Variants in ASCC1 observed in about 807,000 individuals in gnomAD.
The protein encoded by ASCC1 is ASC-1 complex subunit P50.
Under a neutral mutation model 46.6 loss-of-function variants are expected in ASCC1, and 35 were observed. That is an observed-to-expected ratio of 0.75 (90% CI 0.57 to 0.99). ASCC1 has a LOEUF of 0.99. ASCC1 is among the 50% of genes least tolerant of loss of function. ASCC1 has a pLI of 0.00. For missense variants in ASCC1, 376 were observed against 428.7 expected, an observed-to-expected ratio of 0.88 and a Z score of 1.09; for synonymous variants, 143 against 146.6, an observed-to-expected ratio of 0.98 and a Z score of 0.18.
At chr10:72,189,878 C>T in intron 5 of ASCC1, 1 of 532,680 alleles carries the variant, frequency 1.9e-6, no homozygotes, top group Non-Finnish European at 3.4e-6. Flanking sequence ...TTATTTCTGT[C>T]TTCACTATAA....
intron 7 of ASCC1, among the ~76,000 whole-genome samples, chr10:72,150,893 G>C (rs535042806): frequency 5.6e-4 from 86 of 152,290 alleles, no homozygotes; most frequent in African/African-American, 1.9e-3. Context: ...AAACCACAAT[G>C]AGATACCATC....
intron 9 of ASCC1, among the ~76,000 whole-genome samples, chr10:72,121,138 A>G (rs996472111): frequency 1.3e-5 from 2 of 152,080 alleles, no homozygotes; most frequent in Non-Finnish European, 2.9e-5. Flanking sequence ...TAAGAGACCG[A>G]CTTTTTATTT....
chr10:72,104,573 A>C (rs996130856), intron 9 of ASCC1, among the ~76,000 whole-genome samples: 11 of 152,186 alleles, frequency 7.2e-5, no homozygotes, highest in Non-Finnish European at 1.3e-4. Flanking sequence ...TTAAATTAAA[A>C]AAGAATCTAG....
intron 7 of ASCC1, among the ~76,000 whole-genome samples, chr10:72,151,686 T>C (rs1848351295): frequency 6.6e-6 from 1 of 151,984 alleles, no homozygotes; most frequent in African/African-American, 2.4e-5. Flanking sequence ...AGTAATTTAA[T>C]CTTTTTAAAT....
intron 6 of ASCC1, among the ~76,000 whole-genome samples, chr10:72,153,459 G>GCT (rs112490631): frequency 0.13 from 19,532 of 152,006 alleles, 3,940 homozygotes; most frequent in African/African-American, 0.43. Context: ...ACGGAGTTTT[G>GCT]CTGTTGCCCA....
At chr10:72,170,518 C>T (rs1172827387) in intron 5 of ASCC1, among the ~76,000 whole-genome samples, 1 of 151,434 alleles carries the variant, frequency 6.6e-6, no homozygotes, top group Non-Finnish European at 1.5e-5. Flanking sequence ...ATCACTTGAG[C>T]CCAGGAGTTC....
chr10:72,102,374 A>G, intron 9 of ASCC1: 1 of 1,550,392 alleles, frequency 6.4e-7, no homozygotes, highest in Non-Finnish European at 8.7e-7. Context: ...CGATTCTAGG[A>G]TTTTCCTGGT....
At chr10:72,187,693 C>T (rs1055812977) in intron 5 of ASCC1, among the ~76,000 whole-genome samples, 1 of 133,018 alleles carries the variant, frequency 7.5e-6, no homozygotes, top group Non-Finnish European at 1.5e-5. Flanking sequence ...GCACTCCAGC[C>T]TGGGTGACAG....
At chr10:72,213,709 T>C (rs1257077985) in intron 1 of ASCC1, among the ~76,000 whole-genome samples, 1 of 149,116 alleles carries the variant, frequency 6.7e-6, no homozygotes, top group Non-Finnish European at 1.5e-5. Flanking sequence ...GAGTTCAAGA[T>C]CAGCCTTATG....
chr10:72,216,953 A>C (rs2133621801), upstream of ASCC1: 1 of 456,186 alleles, frequency 2.2e-6, no homozygotes, highest in African/African-American at 2.0e-5. Context: ...TGAGAAAGAA[A>C]AAAATCCATA....
chr10:72,135,755 T>G (rs1846105198), intron 7 of ASCC1, among the ~76,000 whole-genome samples: 1 of 152,146 alleles, frequency 6.6e-6, no homozygotes, highest in African/African-American at 2.4e-5. Flanking sequence ...CCCAGATGGC[T>G]GGGACAGTGG....
intron 9 of ASCC1, among the ~76,000 whole-genome samples, chr10:72,115,282 G>A (rs1279868195): frequency 6.6e-6 from 1 of 152,192 alleles, no homozygotes; most frequent in Non-Finnish European, 1.5e-5. Flanking sequence ...CCAGGTGCAA[G>A]ACACATTGCT....
intron 3 of ASCC1, 65 bp from the exon 4 acceptor site, chr10:72,203,589 G>T: frequency 8.6e-7 from 1 of 1,164,226 alleles, no homozygotes; most frequent in Non-Finnish European, 1.3e-6. Context: ...ACCTCATTAT[G>T]TTTAAATCCT....
At chr10:72,147,896 C>T (rs1174640140) in intron 7 of ASCC1, among the ~76,000 whole-genome samples, 1 of 152,168 alleles carries the variant, frequency 6.6e-6, no homozygotes, top group Non-Finnish European at 1.5e-5. Context: ...ACCAGTGGTT[C>T]TTACGTGGTC....
At chr10:72,214,781 T>A (rs985609537) in intron 1 of ASCC1, among the ~76,000 whole-genome samples, 21 of 151,598 alleles carry the variant, frequency 1.4e-4, no homozygotes, top group Non-Finnish European at 4.4e-5. Context: ...GTGCTAGAAA[T>A]TCATACCAAA....
chr10:72,133,030 T>G lies in ASCC1; in HGVS notation c.871+27A>C, dbSNP rs748499250. ...TGCCACAAGGCCGCTGATCACAAAC[T>G]GTGCTATAGTTCTCTGGGGGACTTA... On this transcript the variant is annotated intron_variant, in intron 8 of 9. Coordinates refer to ENST00000672957, the MANE Select transcript of ASCC1 (RefSeq NM_001198800.3). The G allele has an allele frequency of 4.3e-6, 7 of 1,613,980 alleles. No individual in the cohort carries two copies. The South Asian group carries it at 7.7e-5, about 18-fold the overall frequency.
chr10:72,206,382 C>T (rs562850590), intron 3 of ASCC1, among the ~76,000 whole-genome samples: 16 of 151,900 alleles, frequency 1.1e-4, no homozygotes, highest in Admixed American at 7.9e-4. Flanking sequence ...CCAGCCTGGG[C>T]AACAAGAGCG....
At chr10:72,214,240 A>G (rs1272210552) in intron 1 of ASCC1, among the ~76,000 whole-genome samples, 4 of 152,062 alleles carry the variant, frequency 2.6e-5, no homozygotes, top group Non-Finnish European at 5.9e-5. Context: ...AAAAGGCATT[A>G]TAAATGCCCG....
At chr10:72,190,331 G>A in intron 5 of ASCC1, 1 of 1,017,518 alleles carries the variant, frequency 9.8e-7, no homozygotes, top group Non-Finnish European at 1.5e-6. Flanking sequence ...GATTGGTGAA[G>A]ATTCCACATA....
Sources: allele counts gnomAD v4.1 joint callset (sites outside exome capture counted in the v4.1 genomes callset), GRCh38; gene constraint gnomAD v4.1.1; transcripts MANE v1.5; gene names NCBI Gene and HGNC (gene_info 2026-07-23, HGNC 2026-07-21).